ERGIC1: variants seen among roughly 807,000 people sequenced by gnomAD.
ERGIC1 encodes endoplasmic reticulum-Golgi intermediate compartment protein 1.
In ERGIC1, 19 loss-of-function variants were observed where a neutral mutation model predicts 38.3. That is an observed-to-expected ratio of 0.50 (90% CI 0.35 to 0.73). The LOEUF (loss-of-function observed/expected upper bound fraction) is 0.73, where lower values mean the gene tolerates loss of function less well. ERGIC1 is among the 30% of genes least tolerant of loss of function. ERGIC1 has a pLI of 0.01. For synonymous variants in ERGIC1, 124 were observed against 157.6 expected, an observed-to-expected ratio of 0.79 and a Z score of 1.60; for missense variants, 294 against 389.2, an observed-to-expected ratio of 0.76 and a Z score of 2.06.
At chr5:172,932,678 G>A (rs539271001) in intron 8 of ERGIC1, 142 bp downstream of exon 8, 30 of 772,164 alleles carry the variant, frequency 3.9e-5, no homozygotes, top group South Asian at 1.9e-4. Flanking sequence ...TGGGCCAGGC[G>A]CTGTCCCTGG....
intron 1 of ERGIC1, among the ~76,000 whole-genome samples, chr5:172,875,915 C>T (rs976667434): frequency 1.1e-4 from 17 of 152,142 alleles, no homozygotes; most frequent in African/African-American, 4.1e-4. Context: ...CTGTAGAATG[C>T]CCGCATTATG....
At chr5:172,884,033 T>A (rs973134108) in intron 1 of ERGIC1, among the ~76,000 whole-genome samples, 1 of 152,172 alleles carries the variant, frequency 6.6e-6, no homozygotes. Flanking sequence ...GCACAGTTAC[T>A]CTTTCCATTT....
intron 3 of ERGIC1, chr5:172,906,095 G>A: frequency 2.2e-6 from 1 of 456,116 alleles, no homozygotes; most frequent in Non-Finnish European, 4.4e-6. Flanking sequence ...TAACCTCCTG[G>A]GCTCCTGTTT....
intron 5 of ERGIC1, chr5:172,922,347 A>G (rs1214996034): frequency 1.3e-5 from 2 of 152,346 alleles, no homozygotes; most frequent in Non-Finnish European, 2.9e-5. Context: ...AAAAGTGTCT[A>G]TTGAGCACCT....
At chr5:172,841,589 C>T (rs1217504611) in intron 1 of ERGIC1, among the ~76,000 whole-genome samples, 1 of 152,230 alleles carries the variant, frequency 6.6e-6, no homozygotes, top group South Asian at 2.1e-4. Context: ...TTAGTAAAGT[C>T]AGAGGACCCG....
At chr5:172,864,021 C>CT (rs1165258015) in intron 1 of ERGIC1, among the ~76,000 whole-genome samples, 3 of 152,068 alleles carry the variant, frequency 2.0e-5, no homozygotes, top group Admixed American at 2.0e-4. Context: ...CATGCTGAAA[C>CT]TTCTCTCTAC....
chr5:172,857,429 G>A (rs529316727), intron 1 of ERGIC1, among the ~76,000 whole-genome samples: 1 of 152,086 alleles, frequency 6.6e-6, no homozygotes, highest in African/African-American at 2.4e-5. Flanking sequence ...ACATGCCTGC[G>A]GGAGGAGACT....
Position 172,850,141 on chromosome 5 carries a change from G to A in ERGIC1, c.20+15708G>A, listed in dbSNP as rs371356145. Among the ~76,000 whole-genome samples, 242 of 152,304 alleles carry A rather than the reference G, an allele frequency of 1.6e-3. 4 individuals are homozygous for A. Among genetic ancestry groups the A allele is most frequent in the African/African-American group, 5.7e-3 (238 of 41,566 alleles). On this transcript the variant is annotated intron_variant, in intron 1 of 9. Coordinates refer to ENST00000393784, the MANE Select transcript of ERGIC1 (RefSeq NM_001031711.3). ...GTACCCAACAAGCCAGGTGGCAGGA[G>A]CTGGTTCCACCTTTCGGGCCTGCCT...
Position 172,932,584 on chromosome 5 carries a change from C to T in ERGIC1, c.642+48C>T, listed in dbSNP as rs748768824. On this transcript the variant is annotated intron_variant, in intron 8 of 9. Coordinates refer to ENST00000393784, the MANE Select transcript of ERGIC1 (RefSeq NM_001031711.3). ...GAGCTGTGTGCGGCGGCGCCCTCTGCTGACGGAGAGCAGAGATGACAGGCG... is the reference window on the plus strand; with the variant it reads ...GAGCTGTGTGCGGCGGCGCCCTCTGTTGACGGAGAGCAGAGATGACAGGCG... The T allele has an allele frequency of 2.5e-6, 4 of 1,572,814 alleles. No individual in the cohort carries two copies. The Admixed American group carries it at 6.8e-5, about 27-fold the overall frequency.
At chr5:172,875,625 C>T (rs1286496098) in intron 1 of ERGIC1, among the ~76,000 whole-genome samples, 1 of 152,198 alleles carries the variant, frequency 6.6e-6, no homozygotes, top group Non-Finnish European at 1.5e-5. Context: ...GACAGGATCT[C>T]ATCCTGTTGC....
intron 1 of ERGIC1, among the ~76,000 whole-genome samples, chr5:172,851,691 A>G (rs1320614084): frequency 6.6e-6 from 1 of 152,004 alleles, no homozygotes; most frequent in Admixed American, 6.6e-5. Context: ...CAGGGGCTTC[A>G]GGTGCCCGAG....
intron 1 of ERGIC1, among the ~76,000 whole-genome samples, chr5:172,885,152 T>C (rs1040196999): frequency 6.6e-6 from 1 of 152,102 alleles, no homozygotes; most frequent in Non-Finnish European, 1.5e-5. Context: ...ATTTTTGAGA[T>C]AGGGTCTCAC....
intron 1 of ERGIC1, among the ~76,000 whole-genome samples, chr5:172,847,279 C>G (rs374051166): frequency 6.6e-6 from 1 of 152,148 alleles, no homozygotes; most frequent in Non-Finnish European, 1.5e-5. Flanking sequence ...CTTCTGCTCA[C>G]ACTCCTTTGT....
chr5:172,920,145 C>T (rs1429352388), intron 5 of ERGIC1, among the ~76,000 whole-genome samples: 1 of 152,170 alleles, frequency 6.6e-6, no homozygotes, highest in Non-Finnish European at 1.5e-5. Context: ...CCCCAGGTCA[C>T]AGCCTAGGGC....
intron 1 of ERGIC1, among the ~76,000 whole-genome samples, chr5:172,855,933 C>A (rs888454612): frequency 6.6e-6 from 1 of 152,206 alleles, no homozygotes; most frequent in Non-Finnish European, 1.5e-5. Flanking sequence ...AGTCTTTTTG[C>A]CAAGAGGCCT....
Position 172,902,847 on chromosome 5 carries a change from C to T in ERGIC1, c.155+5773C>T, listed in dbSNP as rs143115438. Among the ~76,000 whole-genome samples, 514 of 152,164 alleles carry T rather than the reference C, an allele frequency of 3.4e-3. 2 individuals are homozygous for T. Among genetic ancestry groups the T allele is most frequent in the African/African-American group, 0.012 (497 of 41,506 alleles). On this transcript the variant is annotated intron_variant, in intron 3 of 9. Coordinates refer to ENST00000393784, the MANE Select transcript of ERGIC1 (RefSeq NM_001031711.3). ...TTTGAAGCATAGAGGTCAGAGACTTCAGGCAGGAATCTGAACTATTTAAGT... is the reference window on the plus strand; with the variant it reads ...TTTGAAGCATAGAGGTCAGAGACTTTAGGCAGGAATCTGAACTATTTAAGT...
chr5:172,865,132 G>A (rs1761821591), intron 1 of ERGIC1, among the ~76,000 whole-genome samples: 1 of 144,884 alleles, frequency 6.9e-6, no homozygotes, highest in Non-Finnish European at 1.5e-5. Flanking sequence ...TCGGCTCACG[G>A]CACCCTCTAC....
chr5:172,838,093 C>A (rs1273807097), intron 1 of ERGIC1, among the ~76,000 whole-genome samples: 1 of 152,218 alleles, frequency 6.6e-6, no homozygotes, highest in Non-Finnish European at 1.5e-5. Context: ...CATTGACTTC[C>A]CCTCTCGGAG....
At chr5:172,878,274 A>G (rs1286558873) in intron 1 of ERGIC1, among the ~76,000 whole-genome samples, 1 of 152,182 alleles carries the variant, frequency 6.6e-6, no homozygotes, top group Admixed American at 6.5e-5. Context: ...TATGTAGACC[A>G]GGAGTCGTCA....
Sources: gnomAD v4.1 joint callset for allele counts (sites outside exome capture counted in the v4.1 genomes callset) on GRCh38, gnomAD v4.1.1 for gene constraint, MANE v1.5 for transcripts, NCBI Gene and HGNC (gene_info 2026-07-23, HGNC 2026-07-21) for gene names.